ARHGAP26: variants seen among roughly 807,000 people sequenced by gnomAD.
The protein encoded by ARHGAP26 is rho GTPase-activating protein 26.
A neutral mutation model predicts 104.8 loss-of-function variants in ARHGAP26; 38 were observed. The observed-to-expected ratio is 0.36, with a 90% CI of 0.28 to 0.48. The LOEUF is 0.48. Among genes scored for constraint, ARHGAP26 ranks in the 20% least tolerant of loss-of-function variants. The pLI is 0.99. For synonymous variants in ARHGAP26, 341 were observed against 340.0 expected (o/e 1.00, Z -0.03); for missense variants, 704 against 947.9 (o/e 0.74, Z 3.38).
chr5:142,962,941 T>G (rs978259125), intron 11 of ARHGAP26, among the ~76,000 whole-genome samples: 1 of 151,852 alleles, frequency 6.6e-6, no homozygotes, highest in African/African-American at 2.4e-5. Context: ...TTTCCAATCT[T>G]CTCCCTTCTC....
intron 12 of ARHGAP26, among the ~76,000 whole-genome samples, chr5:143,025,771 C>G (rs1326930740): frequency 6.6e-6 from 1 of 152,186 alleles, no homozygotes; most frequent in East Asian, 1.9e-4. Context: ...GTGCAAGAAC[C>G]TACGTGCTGT....
At chr5:142,844,570 A>G (rs1242444062) in intron 1 of ARHGAP26, among the ~76,000 whole-genome samples, 1 of 152,080 alleles carries the variant, frequency 6.6e-6, no homozygotes, top group African/African-American at 2.4e-5. Context: ...ACTCCAGAAT[A>G]AGAACTCTTT....
At chr5:142,899,399 G>A (rs947877658) in intron 6 of ARHGAP26, among the ~76,000 whole-genome samples, 1 of 152,200 alleles carries the variant, frequency 6.6e-6, no homozygotes, top group African/African-American at 2.4e-5. Context: ...TATGTTGTCA[G>A]CTAGGAAGTA....
At chr5:143,141,600 C>T (rs916757954) in intron 19 of ARHGAP26, among the ~76,000 whole-genome samples, 1 of 152,186 alleles carries the variant, frequency 6.6e-6, no homozygotes, top group Non-Finnish European at 1.5e-5. Context: ...ACCCATTTTG[C>T]TGTGAGTCAT....
chr5:143,194,752 G>A lies in ARHGAP26; in HGVS notation c.1989-12446G>A, dbSNP rs894750052. Among the ~76,000 whole-genome samples, 6 of 152,282 alleles carry A rather than the reference G, an allele frequency of 3.9e-5. No homozygotes were observed. The East Asian group carries it at 5.8e-4, about 15-fold the overall frequency. Reference sequence around the variant, plus strand: ...ACTCTTTTTCTCCAGCGGAAAGGGTGATTTTGCTGGAAAATCATTTAAAGT... The same window carrying A: ...ACTCTTTTTCTCCAGCGGAAAGGGTAATTTTGCTGGAAAATCATTTAAAGT... On this transcript the variant is annotated intron_variant, in intron 20 of 22. Coordinates refer to ENST00000645722, the MANE Select transcript of ARHGAP26 (RefSeq NM_001135608.3).
At chr5:142,998,514 T>C (rs1012203308) in intron 11 of ARHGAP26, among the ~76,000 whole-genome samples, 1 of 152,196 alleles carries the variant, frequency 6.6e-6, no homozygotes, top group Non-Finnish European at 1.5e-5. Flanking sequence ...TGTAAATGTA[T>C]GTTGGTTGCT....
intron 1 of ARHGAP26, among the ~76,000 whole-genome samples, chr5:142,817,830 T>C (rs962008130): frequency 6.6e-6 from 1 of 152,156 alleles, no homozygotes; most frequent in African/African-American, 2.4e-5. Context: ...GCCATACTAA[T>C]GTTGAAAAGC....
intron 20 of ARHGAP26, among the ~76,000 whole-genome samples, chr5:143,153,442 C>T (rs1201960823): frequency 6.6e-6 from 1 of 152,170 alleles, no homozygotes; most frequent in Non-Finnish European, 1.5e-5. Flanking sequence ...AAATCATTCT[C>T]TCCTTCCACA....
intron 1 of ARHGAP26, among the ~76,000 whole-genome samples, chr5:142,834,943 G>A (rs979445939): frequency 3.9e-5 from 6 of 152,190 alleles, no homozygotes; most frequent in Admixed American, 3.3e-4. Context: ...TGTAGACCAA[G>A]TTTATTGTTA....
At chr5:142,828,313 G>A (rs532936491) in intron 1 of ARHGAP26, among the ~76,000 whole-genome samples, 169 of 152,284 alleles carry the variant, frequency 1.1e-3, no homozygotes, top group African/African-American at 3.9e-3. Context: ...CACTCTGTAC[G>A]ATTCCACTTT....
intron 11 of ARHGAP26, among the ~76,000 whole-genome samples, chr5:143,009,928 TGG>T (rs1778509635): frequency 1.3e-5 from 2 of 148,768 alleles, no homozygotes; most frequent in African/African-American, 5.2e-5. Context: ...GGGTTGCTCC[TGG>T]AGAGTTGAGT....
chr5:143,189,611 T>A (rs906190817), intron 20 of ARHGAP26, among the ~76,000 whole-genome samples: 1 of 152,238 alleles, frequency 6.6e-6, no homozygotes, highest in Non-Finnish European at 1.5e-5. Context: ...TCAAAAAGCA[T>A]GTACTTCCAA....
chr5:142,870,243 C>T (rs1298662295), intron 1 of ARHGAP26, among the ~76,000 whole-genome samples: 2 of 152,146 alleles, frequency 1.3e-5, no homozygotes, highest in East Asian at 1.9e-4. Flanking sequence ...GTGTTAGATT[C>T]CTGTGTGCAT....
In ARHGAP26 at chr5:142,834,122, C is replaced by CA. The variant is rs558003609; in HGVS notation, c.155-39275dup. ...TCCTTAGCCACATACCCCTATTTCT[C>CA]AAAGAGATTTGCCAAGAAAGGCTTA... On this transcript the variant is annotated intron_variant, in intron 1 of 22. Coordinates refer to ENST00000645722, the MANE Select transcript of ARHGAP26 (RefSeq NM_001135608.3). 2.5e-3 allele frequency among the ~76,000 whole-genome samples: 383 copies of CA among 152,324 alleles called. 1 individual carries two copies. Among genetic ancestry groups the CA allele is most frequent in the African/African-American group, 8.9e-3 (371 of 41,588 alleles).
rs948808477 is a variant in ARHGAP26, at chr5:143,227,299, C to G, written c.*4853C>G. The G allele has an allele frequency of 1.3e-5, 3 of 230,406 alleles. No individual in the cohort carries two copies. Among genetic ancestry groups the G allele is most frequent in the African/African-American group, 6.6e-5 (3 of 45,184 alleles). The allele number at this position is 230,406 out of a possible 1,614,324, so 14.3% of individuals were successfully genotyped here. A position where few individuals can be genotyped will look rare whatever the true frequency, so the allele number is the denominator to read the frequency against. On this transcript the variant is annotated 3_prime_UTR_variant, in exon 23 of 23. Coordinates refer to ENST00000645722, the MANE Select transcript of ARHGAP26 (RefSeq NM_001135608.3). ...GCTACCTGACTTTAAAAGGAATGAC[C>G]TAGGTGTTCTGCCAAAGGAGTTATC...
At chr5:143,185,193 T>G (rs1281937354) in intron 20 of ARHGAP26, among the ~76,000 whole-genome samples, 1 of 152,214 alleles carries the variant, frequency 6.6e-6, no homozygotes, top group Non-Finnish European at 1.5e-5. Flanking sequence ...TGAAAAAGTA[T>G]GTAAATTATG....
rs528277689 is a variant in ARHGAP26 at position 143,040,653 on chromosome 5, G to A, written c.1211-1163G>A. Among the ~76,000 whole-genome samples the A allele has an allele frequency of 1.7e-3, 265 of 152,346 alleles. 1 individual carries two copies. The highest frequency in any genetic ancestry group is 2.8e-3 in the Non-Finnish European group (189 of 68,024). ...ACAGGGTAAGGGAATGACCAGTAAT[G>A]TTGATTGTGGATTGCATTAGATTGA... is the stretch of plus-strand genomic sequence containing the variant. On this transcript the variant is annotated intron_variant, in intron 13 of 22. Coordinates refer to ENST00000645722, the MANE Select transcript of ARHGAP26 (RefSeq NM_001135608.3).
chr5:143,132,861 TAAA>T (rs11339754), intron 18 of ARHGAP26, among the ~76,000 whole-genome samples: 20 of 134,626 alleles, frequency 1.5e-4, no homozygotes, highest in African/African-American at 3.4e-4. Context: ...GAATCTGGGG[TAAA>T]AAAAAAAAAA....
chr5:142,821,795 C>T (rs1038911907), intron 1 of ARHGAP26, among the ~76,000 whole-genome samples: 1 of 152,174 alleles, frequency 6.6e-6, no homozygotes, highest in Non-Finnish European at 1.5e-5. Context: ...TCTTTCCTTA[C>T]AGCTTTGTTT....
Sources: allele counts gnomAD v4.1 joint callset (sites outside exome capture counted in the v4.1 genomes callset), GRCh38; gene constraint gnomAD v4.1.1; transcripts MANE v1.5; gene names NCBI Gene and HGNC (gene_info 2026-07-23, HGNC 2026-07-21).